SEPTIN9: variants seen among roughly 807,000 people sequenced by gnomAD.
The protein encoded by SEPTIN9 is septin-9.
SEPTIN9 carries 13 observed loss-of-function variants against 56.6 expected under a neutral mutation model. That is an observed-to-expected ratio of 0.23 (90% CI 0.15 to 0.37). The LOEUF (loss-of-function observed/expected upper bound fraction) is 0.37, where lower values mean the gene tolerates loss of function less well. SEPTIN9 is among the 10% of genes least tolerant of loss of function. SEPTIN9 has a pLI of 1.00. For synonymous variants in SEPTIN9, 332 were observed against 334.1 expected (o/e 0.99, Z 0.07); for missense variants, 650 against 823.1 (o/e 0.79, Z 2.57).
chr17:77,320,209 AGAGGAGGAGGAG>A (rs372287642), intron 2 of SEPTIN9: 29 of 1,602,774 alleles, frequency 1.8e-5, no homozygotes, highest in Non-Finnish European at 2.3e-5. Flanking sequence ...GAGTGTTTTT[AGAGGAGGAGGAG>A]GAGGAGGAGG....
At chr17:77,490,496 G>A (rs1031813768) in intron 7 of SEPTIN9, among the ~76,000 whole-genome samples, 1 of 152,214 alleles carries the variant, frequency 6.6e-6, no homozygotes, top group African/African-American at 2.4e-5. Context: ...GGACGAGGGT[G>A]CTTGGAGCTG....
Position 77,495,346 on chromosome 17 carries a change from T to C in SEPTIN9, c.1574-1969T>C, listed in dbSNP as rs114402081. Reference sequence around the variant, plus strand: ...ATGTGCCTTCAGCACTGCTGGGTTTTTATATCAGGGGCCCCATGAGTTCAT... The same window carrying C: ...ATGTGCCTTCAGCACTGCTGGGTTTCTATATCAGGGGCCCCATGAGTTCAT... On this transcript the variant is annotated intron_variant, in intron 10 of 11. Transcript: ENST00000427177. 6.5e-3 allele frequency among the ~76,000 whole-genome samples: 983 copies of C among 152,276 alleles called. 15 individuals carry two copies. Among genetic ancestry groups the C allele is most frequent in the African/African-American group, 0.023 (941 of 41,544 alleles).
In SEPTIN9 at chr17:77,434,675, G is replaced by C. The variant is rs149757811; in HGVS notation, c.721+31972G>C. Among the ~76,000 whole-genome samples, 1 of 152,186 alleles carries C rather than the reference G, an allele frequency of 6.6e-6. No individual in the cohort carries two copies. The highest frequency in any genetic ancestry group is 1.5e-5 in the Non-Finnish European group (1 of 68,032). ...ATTTGTGGGCACCCCCGCCCCAGACGTGAGGGTTGGCATCTTCTCTTGCAC... is the reference window on the plus strand; with the variant it reads ...ATTTGTGGGCACCCCCGCCCCAGACCTGAGGGTTGGCATCTTCTCTTGCAC... On this transcript the variant is annotated intron_variant, in intron 3 of 11. Coordinates refer to ENST00000427177, the MANE Select transcript of SEPTIN9 (RefSeq NM_001113491.2). This position sits in a 1 kb window ranked among gnomAD's most constrained non-coding sequence, Gnocchi z 5.0.
At chr17:77,296,478 AACAG>A (rs2031819281) in intron 1 of SEPTIN9, among the ~76,000 whole-genome samples, 2 of 152,122 alleles carry the variant, frequency 1.3e-5, no homozygotes, top group African/African-American at 4.8e-5. Flanking sequence ...CAAACAGGCA[AACAG>A]ACAGGCAGAC....
At chr17:77,281,700 G>C in intron 1 of SEPTIN9, 146 bp downstream of exon 1, 1 of 728,554 alleles carries the variant, frequency 1.4e-6, no homozygotes, top group Non-Finnish European at 2.1e-6. Context: ...TTCCTCCCAG[G>C]ACAGGGCCGC....
intron 3 of SEPTIN9, among the ~76,000 whole-genome samples, chr17:77,465,986 C>T (rs1455969498): frequency 6.7e-6 from 1 of 149,890 alleles, no homozygotes; most frequent in East Asian, 2.0e-4. Flanking sequence ...GTGCTGGGGC[C>T]CCCAGGTGGG....
At chr17:77,474,772 G>A (rs1411352084) in intron 3 of SEPTIN9, among the ~76,000 whole-genome samples, 1 of 152,186 alleles carries the variant, frequency 6.6e-6, no homozygotes, top group Non-Finnish European at 1.5e-5. Context: ...AAGCCCTCTC[G>A]GTCTCGGTTT....
At chr17:77,497,442 T>G in intron 11 of SEPTIN9, 76 bp downstream of exon 11, 1 of 1,415,660 alleles carries the variant, frequency 7.1e-7, no homozygotes, top group South Asian at 1.2e-5. Context: ...GGGCAGTGGG[T>G]GTGGGGCCGA....
At chr17:77,288,125 C>G (rs2031358692) in intron 1 of SEPTIN9, 1 of 1,063,456 alleles carries the variant, frequency 9.4e-7, no homozygotes, top group Non-Finnish European at 1.1e-6. Context: ...GACTCCTACC[C>G]CACCCCGGCC....
At chr17:77,338,693 A>T (rs1486593029) in intron 2 of SEPTIN9, among the ~76,000 whole-genome samples, 1 of 152,226 alleles carries the variant, frequency 6.6e-6, no homozygotes, top group Non-Finnish European at 1.5e-5. Flanking sequence ...TGCTGGGATT[A>T]CAGGCGTGAG....
chr17:77,490,690 C>T (rs945056194), intron 7 of SEPTIN9, 52 bp from the exon 8 acceptor site: 5 of 1,385,568 alleles, frequency 3.6e-6, no homozygotes, highest in Non-Finnish European at 4.0e-6. Flanking sequence ...GTGGGTGCCC[C>T]CCCACTGCCC....
rs550611213 is a variant in SEPTIN9, at chr17:77,356,880, G to T, written c.77-45179G>T. ...GCTCATGCAGGCTGGCTGTCATGAC[G>T]GACTGTTGGTGGGAGAGGGGAAGGC... On this transcript the variant is annotated intron_variant, in intron 2 of 11. Coordinates refer to ENST00000427177, the MANE Select transcript of SEPTIN9 (RefSeq NM_001113491.2). Among the ~76,000 whole-genome samples, 30 of 149,494 alleles carry T rather than the reference G, an allele frequency of 2.0e-4. 1 individual carries two copies. In the South Asian group the frequency reaches 5.6e-3, roughly 28 times the overall value.
chr17:77,334,421 C>T (rs1437125335), intron 2 of SEPTIN9, among the ~76,000 whole-genome samples: 3 of 92,268 alleles, frequency 3.3e-5, no homozygotes, highest in Admixed American at 1.1e-4. Context: ...GACTCTGTCT[C>T]AAAAAAAAAA....
Position 77,479,931 on chromosome 17 carries a change from C to G in SEPTIN9, c.722-2213C>G, listed in dbSNP as rs1043366734. Among the ~76,000 whole-genome samples the G allele has an allele frequency of 7.9e-5, 12 of 152,352 alleles. No individual in the cohort carries two copies. The Middle Eastern group carries it at 0.01, about 130-fold the overall frequency. ...CATGTCTGGCTTCAGGAAGCGGCCC[C>G]AAAGCCACATGGTCCATGGCCAGAT... is the stretch of plus-strand genomic sequence containing the variant. On this transcript the variant is annotated intron_variant, in intron 3 of 11. Coordinates refer to ENST00000427177, the MANE Select transcript of SEPTIN9 (RefSeq NM_001113491.2).
At chr17:77,494,178 A>G (rs1371555239) in intron 10 of SEPTIN9, among the ~76,000 whole-genome samples, 1 of 152,218 alleles carries the variant, frequency 6.6e-6, no homozygotes, top group African/African-American at 2.4e-5. Flanking sequence ...CTATAAAGAA[A>G]GACGTTTTCC....
At chr17:77,481,340 G>T (rs1474284658) in intron 3 of SEPTIN9, among the ~76,000 whole-genome samples, 1 of 152,250 alleles carries the variant, frequency 6.6e-6, no homozygotes, top group African/African-American at 2.4e-5. Context: ...GCCCGTGGGC[G>T]CTGGCCAGGC....
chr17:77,484,625 A>G (rs1465279790), intron 4 of SEPTIN9, among the ~76,000 whole-genome samples: 13 of 90,284 alleles, frequency 1.4e-4, no homozygotes, highest in East Asian at 1.1e-3. Context: ...GGTGATGGGG[A>G]TGATGATGGT....
In SEPTIN9 at chr17:77,421,935, G is replaced by A. The variant is rs1177305114; in HGVS notation, c.721+19232G>A. ...CCAATGTCCCGCTCACTGTGATCTC[G>A]ACCTCCTAGGCTCAGCAGTCCTCCC... On this transcript the variant is annotated intron_variant, in intron 3 of 11. Transcript: ENST00000427177. The surrounding 1 kb of genome is among the most constrained non-coding windows in gnomAD (Gnocchi z 4.6). 2.0e-5 allele frequency among the ~76,000 whole-genome samples: 3 copies of A among 152,218 alleles called. No homozygotes were observed. Among genetic ancestry groups the A allele is most frequent in the Non-Finnish European group, 2.9e-5 (2 of 68,014 alleles).
intron 2 of SEPTIN9, among the ~76,000 whole-genome samples, chr17:77,399,252 G>A (rs2144083527): frequency 6.6e-6 from 1 of 152,332 alleles, no homozygotes; most frequent in South Asian, 2.1e-4. Flanking sequence ...TGACTCCAAG[G>A]GGACTCCCAA....
Sources: allele counts gnomAD v4.1 joint callset (sites outside exome capture counted in the v4.1 genomes callset), GRCh38; gene constraint gnomAD v4.1.1; non-coding constraint Gnocchi (gnomAD v3.1); transcripts MANE v1.5; gene names NCBI Gene and HGNC (gene_info 2026-07-23, HGNC 2026-07-21).